Variants in SMARCA2 observed in about 807,000 individuals in gnomAD.
SMARCA2 encodes the protein SWI/SNF related BAF chromatin remodeling complex subunit ATPase 2.
SMARCA2 carries 61 observed loss-of-function variants against 199.8 expected under a neutral mutation model. That is an observed-to-expected ratio of 0.31 (90% CI 0.25 to 0.38). The LOEUF (loss-of-function observed/expected upper bound fraction) is 0.38, where lower values mean the gene tolerates loss of function less well. Ranked by LOEUF, SMARCA2 falls within the 10% of genes least tolerant of loss-of-function variation. SMARCA2 has a pLI of 1.00. For missense variants in SMARCA2, 1,344 were observed against 2,012.2 expected, an observed-to-expected ratio of 0.67 and a Z score of 6.35; for synonymous variants, 935 against 732.0, an observed-to-expected ratio of 1.28 and a Z score of -4.48.
chr9:2,032,852 G>T (rs910123725), intron 2 of SMARCA2, 100 bp from the exon 3 acceptor site: 22 of 1,076,252 alleles, frequency 2.0e-5, no homozygotes, highest in Non-Finnish European at 2.8e-5. Context: ...GTAGATGATA[G>T]TGCCACACTT....
chr9:2,189,377 G>T (rs144508523), intron 32 of SMARCA2, among the ~76,000 whole-genome samples: 139 of 152,148 alleles, frequency 9.1e-4, no homozygotes, highest in African/African-American at 3.2e-3. Flanking sequence ...CAGCATTAGA[G>T]TGCGCCACAC....
At chr9:2,032,782 C>T (rs1586627469) in intron 2 of SMARCA2, 170 bp from the exon 3 acceptor site, 12 of 526,360 alleles carry the variant, frequency 2.3e-5, no homozygotes, top group Non-Finnish European at 2.3e-5. Context: ...TAACATTTGA[C>T]TTACAGATAG....
At chr9:2,020,078 G>A (rs1378603322) in intron 1 of SMARCA2, among the ~76,000 whole-genome samples, 1 of 152,116 alleles carries the variant, frequency 6.6e-6, no homozygotes, top group Non-Finnish European at 1.5e-5. Flanking sequence ...GATGATTTAA[G>A]GGACGATAGG....
At chr9:2,181,202 A>AT (rs1306644536) in intron 29 of SMARCA2, 3 of 118,576 alleles carry the variant, frequency 2.5e-5, no homozygotes, top group Non-Finnish European at 3.9e-5. Context: ...ATATATATGT[A>AT]CGTGTATATA....
Position 2,123,396 on chromosome 9 carries a change from A to T in SMARCA2, c.3763-323A>T, listed in dbSNP as rs1368362337. ...CCAAGAGGTCATATTTTTAAAATGCATTCCCAATTTGAATTTTTCCACTAT... is the reference window on the plus strand; with the variant it reads ...CCAAGAGGTCATATTTTTAAAATGCTTTCCCAATTTGAATTTTTCCACTAT... On this transcript the variant is annotated intron_variant, in intron 26 of 33. Transcript: ENST00000349721. This position sits in a 1 kb window ranked among gnomAD's most constrained non-coding sequence, Gnocchi z 4.1. Among the ~76,000 whole-genome samples the T allele has an allele frequency of 6.6e-6, 1 of 152,228 alleles. No homozygotes were observed. Among genetic ancestry groups the T allele is most frequent in the Admixed American group, 6.5e-5 (1 of 15,286 alleles).
chr9:2,168,283 T>A (rs547058521), intron 28 of SMARCA2, among the ~76,000 whole-genome samples: 2 of 152,274 alleles, frequency 1.3e-5, no homozygotes, highest in Admixed American at 6.5e-5. Flanking sequence ...AGTGCTGGGA[T>A]TACAGGCGTG....
At chr9:2,082,598 G>A (rs987348054) in intron 15 of SMARCA2, among the ~76,000 whole-genome samples, 4 of 152,118 alleles carry the variant, frequency 2.6e-5, no homozygotes, top group East Asian at 1.9e-4. Flanking sequence ...GGGCACTACC[G>A]AGTGAGGGCA....
chr9:2,137,690 G>A (rs1824265191), intron 27 of SMARCA2, among the ~76,000 whole-genome samples: 1 of 152,128 alleles, frequency 6.6e-6, no homozygotes, highest in Non-Finnish European at 1.5e-5. Flanking sequence ...AAAGCTCCGA[G>A]AAAGCCAGGG....
chr9:2,181,499 GAAATAA>G (rs1827020086), intron 29 of SMARCA2, 66 bp from the exon 30 acceptor site: 2 of 799,164 alleles, frequency 2.5e-6, no homozygotes, highest in Non-Finnish European at 4.4e-6. Context: ...GACATGTTCT[GAAATAA>G]AAATAAAACC....
intron 1 of SMARCA2, among the ~76,000 whole-genome samples, chr9:2,018,579 A>G (rs1212978144): frequency 6.6e-6 from 1 of 152,210 alleles, no homozygotes; most frequent in Non-Finnish European, 1.5e-5. Context: ...CTGCGTTACC[A>G]ATATCGAATT....
At chr9:2,019,467 T>C (rs567147141) in intron 1 of SMARCA2, among the ~76,000 whole-genome samples, 1 of 151,312 alleles carries the variant, frequency 6.6e-6, no homozygotes, top group East Asian at 1.9e-4. Context: ...TGAAAAGTGC[T>C]TTGACCAACA....
chr9:2,106,489 T>C (rs1286773946), intron 23 of SMARCA2, among the ~76,000 whole-genome samples: 1 of 152,198 alleles, frequency 6.6e-6, no homozygotes, highest in Admixed American at 6.5e-5. Flanking sequence ...AAGGCATCTT[T>C]CCGTAAGAAA....
At chr9:2,083,463 C>G (rs745784634) in intron 16 of SMARCA2, 50 bp downstream of exon 16, 1 of 1,178,270 alleles carries the variant, frequency 8.5e-7, no homozygotes, top group South Asian at 1.3e-5. Context: ...AAAAATAGAC[C>G]CTATTTTCTT....
rs762453193 is a variant in SMARCA2, at chr9:2,158,983, G to A, written c.3982-2703G>A. 3.1e-6 allele frequency: 5 copies of A among 1,612,028 alleles called. No homozygotes were observed. The East Asian group carries it at 6.7e-5, about 22-fold the overall frequency. ...CTTAGTTTGAGGGGAATAATGGTCA[G>A]TACTTTGTGTGTTTCCTTGTAATTC... On this transcript the variant is annotated intron_variant, in intron 27 of 33. Transcript: ENST00000349721.
At position 2,086,814 on chromosome 9, in the gene SMARCA2, C is replaced by A. The variant is rs1400328952; in HGVS notation, c.2527-15C>A. 32 of 1,613,896 alleles carry A rather than the reference C, an allele frequency of 2.0e-5. No individual in the cohort carries two copies. Among genetic ancestry groups the A allele is most frequent in the Non-Finnish European group, 2.5e-5 (30 of 1,179,864 alleles). On this transcript the variant is annotated splice_polypyrimidine_tract_variant and intron_variant, in intron 17 of 33. Coordinates refer to ENST00000349721, the MANE Select transcript of SMARCA2 (RefSeq NM_003070.5). The surrounding 1 kb of genome is among the most constrained non-coding windows in gnomAD (Gnocchi z 4.3). ...CCTTGCTTACTACACGTCCGTCCTT[C>A]CTCTTGTGTTATAGATTCGGTGGAA...
chr9:2,178,120 G>A (rs1040514471), intron 29 of SMARCA2, among the ~76,000 whole-genome samples: 1 of 151,934 alleles, frequency 6.6e-6, no homozygotes, highest in East Asian at 1.9e-4. Context: ...CACTTGCACA[G>A]TGGTATGTGG....
At chr9:2,129,184 C>T (rs6475515) in intron 27 of SMARCA2, among the ~76,000 whole-genome samples, 43,321 of 151,974 alleles carry the variant, frequency 0.29, 11,570 homozygotes, top group African/African-American at 0.7. Context: ...TTTGGGAGGG[C>T]GAGGCGGGTG....
intron 9 of SMARCA2, among the ~76,000 whole-genome samples, chr9:2,066,552 G>A (rs1487603743): frequency 1.3e-5 from 2 of 152,142 alleles, no homozygotes; most frequent in African/African-American, 4.8e-5. Context: ...CTTTAGTTAT[G>A]AATAATTCCT....
At chr9:2,152,409 C>T (rs891298393) in intron 27 of SMARCA2, among the ~76,000 whole-genome samples, 1 of 151,876 alleles carries the variant, frequency 6.6e-6, no homozygotes, top group African/African-American at 2.4e-5. Context: ...CAAGATTAGC[C>T]AGGTGTGGTG....
Sources: gnomAD v4.1 joint callset for allele counts (sites outside exome capture counted in the v4.1 genomes callset) on GRCh38, gnomAD v4.1.1 for gene constraint, Gnocchi (gnomAD v3.1) non-coding constraint, MANE v1.5 for transcripts, NCBI Gene and HGNC (gene_info 2026-07-23, HGNC 2026-07-21) for gene names.